PIR: variants seen among roughly 807,000 people sequenced by gnomAD.
The protein encoded by PIR is pirin.
In PIR, 22 loss-of-function variants were observed where a neutral mutation model predicts 24.2. The ratio of observed to expected loss-of-function variants is 0.91; its 90% CI spans 0.65 to 1.30. PIR has a LOEUF of 1.30. Ranked by LOEUF, PIR falls within the 50% of genes most tolerant of loss-of-function variation. The pLI is 0.00. For missense variants in PIR, 220 were observed against 220.3 expected, an observed-to-expected ratio of 1.00 and a Z score of 0.01; for synonymous variants, 80 against 79.6, an observed-to-expected ratio of 1.00 and a Z score of -0.03.
intron 6 of PIR, among the ~76,000 whole-genome samples, chrX:15,420,970 A>G (rs1925111294): frequency 8.9e-6 from 1 of 112,192 alleles, no homozygotes; most frequent in Admixed American, 9.5e-5. Flanking sequence ...ATAACCTGAT[A>G]TTTGCATATA....
intron 5 of PIR, 25 bp from the exon 6 acceptor site, chrX:15,426,015 G>C (rs376827172): frequency 9.8e-7 from 1 of 1,019,964 alleles, no homozygotes; most frequent in Non-Finnish European, 1.4e-6. Context: ...GAAACCATCA[G>C]TGTTTTTTTC....
At chrX:15,409,247 C>T (rs1029491080) in intron 6 of PIR, among the ~76,000 whole-genome samples, 1 of 94,455 alleles carries the variant, frequency 1.1e-5, no homozygotes, top group African/African-American at 4.1e-5. Flanking sequence ...TACAGGCGCC[C>T]GCCACCATGC....
At chrX:15,490,357 A>C (rs966018826) in intron 2 of PIR, among the ~76,000 whole-genome samples, 4 of 111,749 alleles carry the variant, frequency 3.6e-5, no homozygotes, top group Admixed American at 2.8e-4. Flanking sequence ...AGTAGCATGA[A>C]AATTATCAGA....
At chrX:15,475,045 GT>G (rs200655511) in intron 3 of PIR, among the ~76,000 whole-genome samples, 4 of 106,477 alleles carry the variant, frequency 3.8e-5, no homozygotes, top group Non-Finnish European at 5.8e-5. Flanking sequence ...ATTTAATCAA[GT>G]TTTTTTTTTC....
At chrX:15,492,660 G>A (rs1176923755) in intron 1 of PIR, among the ~76,000 whole-genome samples, 1 of 111,876 alleles carries the variant, frequency 8.9e-6, no homozygotes, top group Non-Finnish European at 1.9e-5. Context: ...CTGTGGCTCA[G>A]TTTTATCTGT....
At chrX:15,401,630 T>TC (rs1924389560) in intron 7 of PIR, among the ~76,000 whole-genome samples, 2 of 112,092 alleles carry the variant, frequency 1.8e-5, no homozygotes, top group Non-Finnish European at 3.8e-5. Flanking sequence ...ACAAATAGTT[T>TC]CCACTGGGAA....
intron 2 of PIR, among the ~76,000 whole-genome samples, chrX:15,484,262 G>A (rs1341823710): frequency 1.9e-5 from 2 of 107,013 alleles, no homozygotes; most frequent in African/African-American, 6.8e-5. Flanking sequence ...TCTGGTGAGG[G>A]CCCAGAAAGA....
chrX:15,448,778 A>C (rs1340006945), intron 5 of PIR, among the ~76,000 whole-genome samples: 1 of 111,665 alleles, frequency 9.0e-6, no homozygotes, highest in African/African-American at 3.3e-5. Flanking sequence ...ATCCCTGCCC[A>C]ATCTTTCTTT....
intron 3 of PIR, among the ~76,000 whole-genome samples, chrX:15,468,740 G>T (rs1921730300): frequency 1.8e-5 from 2 of 112,077 alleles, no homozygotes; most frequent in African/African-American, 3.2e-5. Flanking sequence ...AAATAAAGGG[G>T]TCTGAGAGAG....
intron 2 of PIR, among the ~76,000 whole-genome samples, chrX:15,485,994 A>T (rs1057473463): frequency 1.1e-4 from 12 of 111,066 alleles, no homozygotes; most frequent in African/African-American, 3.6e-4. Flanking sequence ...TTTTCATTCA[A>T]ATAGTTCTAA....
intron 4 of PIR, 136 bp downstream of exon 4, chrX:15,459,521 G>C: frequency 2.3e-6 from 1 of 427,786 alleles, no homozygotes. Context: ...CTGAGTAAAA[G>C]AATCTGTAGA....
At chrX:15,461,275 A>T (rs1921288595) in intron 3 of PIR, among the ~76,000 whole-genome samples, 1 of 112,074 alleles carries the variant, frequency 8.9e-6, no homozygotes, top group Non-Finnish European at 1.9e-5. Flanking sequence ...TGCCTCAGGA[A>T]ATCCAAAGGA....
intron 5 of PIR, among the ~76,000 whole-genome samples, chrX:15,447,095 T>C (rs1031738114): frequency 3.6e-5 from 4 of 112,179 alleles, no homozygotes; most frequent in African/African-American, 1.3e-4. Flanking sequence ...ATAATTTACA[T>C]ACTATAAACT....
chrX:15,451,792 C>T (rs1379659648), intron 5 of PIR, among the ~76,000 whole-genome samples: 1 of 112,178 alleles, frequency 8.9e-6, no homozygotes, highest in Non-Finnish European at 1.9e-5. Context: ...CATGAATATA[C>T]AGACTGTCCA....
At position 15,418,663 on chromosome X, in the gene PIR, G is replaced by A. The variant is rs770153999; in HGVS notation, c.565+7243C>T. ...AAGATTAGCACAACCCAAGAGAAAC[G>A]TGCCTAGCCTGAAGGAAATAAAGAG... is the stretch of plus-strand genomic sequence containing the variant. On this transcript the variant is annotated intron_variant, in intron 6 of 9. Transcript: ENST00000380420. Among the ~76,000 whole-genome samples, 364 of 111,725 alleles carry A rather than the reference G, an allele frequency of 3.3e-3. 3 individuals are homozygous for A. Among genetic ancestry groups the A allele is most frequent in the Non-Finnish European group, 3.4e-3 (180 of 53,190 alleles).
At chrX:15,420,770 G>A (rs780793772) in intron 6 of PIR, among the ~76,000 whole-genome samples, 2 of 111,084 alleles carry the variant, frequency 1.8e-5, no homozygotes, top group Non-Finnish European at 3.8e-5. Flanking sequence ...ACAGGAGTTC[G>A]AGGTTGCAGT....
chrX:15,385,323 C>T (rs761799948), intron 9 of PIR, among the ~76,000 whole-genome samples: 95 of 112,293 alleles, frequency 8.5e-4, no homozygotes, highest in African/African-American at 2.6e-3. Context: ...ATTATAAAGA[C>T]GAAACTTCAG....
chrX:15,448,567 C>T (rs770261608), intron 5 of PIR, among the ~76,000 whole-genome samples: 3 of 112,260 alleles, frequency 2.7e-5, no homozygotes, highest in Admixed American at 1.9e-4. Context: ...AATATGCATA[C>T]AACAAACGTT....
intron 2 of PIR, among the ~76,000 whole-genome samples, chrX:15,490,081 AT>A (rs897777469): frequency 9.8e-5 from 11 of 111,988 alleles, no homozygotes; most frequent in African/African-American, 3.6e-4. Flanking sequence ...TCACAAAAAA[AT>A]AAGTATGTGA....
Sources: gnomAD v4.1 joint callset for allele counts (sites outside exome capture counted in the v4.1 genomes callset) on GRCh38, gnomAD v4.1.1 for gene constraint, MANE v1.5 for transcripts, NCBI Gene and HGNC (gene_info 2026-07-23, HGNC 2026-07-21) for gene names.